Variants in INTS6L observed in about 807,000 individuals in gnomAD.
The protein encoded by INTS6L is integrator complex subunit 6 like, also known as integrator complex subunit 6-like.
INTS6L carries 18 observed loss-of-function variants against 64.7 expected under a neutral mutation model. The observed-to-expected ratio is 0.28, with a 90% CI of 0.19 to 0.41. The LOEUF (loss-of-function observed/expected upper bound fraction) is 0.41. INTS6L is among the 10% of genes least tolerant of loss of function. INTS6L has a pLI of 1.00. For synonymous variants in INTS6L, 227 were observed against 235.9 expected, an observed-to-expected ratio of 0.96 and a Z score of 0.34; for missense variants, 533 against 661.0, an observed-to-expected ratio of 0.81 and a Z score of 2.12.
At chrX:135,554,211 C>G (rs1293046675) in intron 8 of INTS6L, among the ~76,000 whole-genome samples, 1 of 111,551 alleles carries the variant, frequency 9.0e-6, no homozygotes, top group African/African-American at 3.3e-5. Flanking sequence ...CTCAAGGGGC[C>G]AAGGAAGGTA....
At chrX:135,570,209 TG>T in intron 10 of INTS6L, 1 of 276,401 alleles carries the variant, frequency 3.6e-6, no homozygotes. Flanking sequence ...TGTTTGAATT[TG>T]CTGTTACTTG....
rs534262327 is a variant in INTS6L at position 135,578,165 on chromosome X, G to A, written c.2119+738G>A. On this transcript the variant is annotated intron_variant, in intron 15 of 17. Transcript: ENST00000639893. ...TGGTACCTCTCCTGTCCTTCACTGC[G>A]TTCTCTTCCTAGGTGACCCCATGCA... 2.0e-3 allele frequency among the ~76,000 whole-genome samples: 227 copies of A among 111,486 alleles called. 2 individuals carry two copies. In the South Asian group the frequency reaches 0.075, roughly 37 times the overall value.
chrX:135,556,370 G>A (rs1041608781), intron 9 of INTS6L, 70 bp downstream of exon 9: 4 of 932,808 alleles, frequency 4.3e-6, no homozygotes, highest in Non-Finnish European at 5.6e-6. Context: ...AATAGACTAA[G>A]CATTTTAAAT....
chrX:135,556,389 C>A, intron 9 of INTS6L, 89 bp downstream of exon 9: 1 of 825,619 alleles, frequency 1.2e-6, no homozygotes, highest in Non-Finnish European at 1.6e-6. Context: ...ATGTAGATGA[C>A]GGTAACAAAT....
chrX:135,554,274 A>G (rs1351660329), intron 8 of INTS6L, among the ~76,000 whole-genome samples: 1 of 112,317 alleles, frequency 8.9e-6, no homozygotes, highest in Non-Finnish European at 1.9e-5. Flanking sequence ...TTTCATGGGA[A>G]TCATAGATCT....
At chrX:135,551,269 C>T (rs1602920253) in intron 7 of INTS6L, among the ~76,000 whole-genome samples, 1 of 111,952 alleles carries the variant, frequency 8.9e-6, no homozygotes, top group African/African-American at 3.3e-5. Context: ...CCTTGCTGTT[C>T]GCCTTTCTCT....
intron 2 of INTS6L, among the ~76,000 whole-genome samples, chrX:135,533,714 C>CT (rs2085970251): frequency 8.9e-6 from 1 of 111,988 alleles, no homozygotes; most frequent in Admixed American, 9.5e-5. Flanking sequence ...ATGTTCAACA[C>CT]TTTCTGCAAT....
intron 2 of INTS6L, among the ~76,000 whole-genome samples, chrX:135,526,572 G>A (rs2085743602): frequency 8.9e-6 from 1 of 111,835 alleles, no homozygotes; most frequent in Non-Finnish European, 1.9e-5. Context: ...CATTTTGTCC[G>A]TCGGCTTTTT....
intron 9 of INTS6L, among the ~76,000 whole-genome samples, chrX:135,567,603 T>C (rs1486458437): frequency 1.8e-5 from 2 of 112,253 alleles, no homozygotes; most frequent in East Asian, 5.6e-4. Context: ...TTCACTTGAT[T>C]ATCTAATCTA....
intron 7 of INTS6L, among the ~76,000 whole-genome samples, chrX:135,551,257 G>T (rs935039189): frequency 2.7e-5 from 3 of 111,590 alleles, no homozygotes; most frequent in Admixed American, 1.9e-4. Context: ...TCTCCATATT[G>T]CCCTTGCTGT....
intron 11 of INTS6L, chrX:135,571,760 C>T (rs1556527614): frequency 1.8e-5 from 2 of 111,474 alleles, no homozygotes. Context: ...GCCTTTAAGG[C>T]TGTGTCACCA....
rs138871583 is a variant in INTS6L, at chrX:135,521,071, A to G, written c.79A>G (p.Ile27Val). Residue 27 changes from isoleucine to valine, a missense_variant, in exon 1 of 18, where the codon ATT becomes GTT. Physicochemically the swap from Ile to Val is conservative, Grantham distance 29. Coordinates refer to ENST00000639893, the MANE Select transcript of INTS6L (RefSeq NM_001351601.3). Reference protein sequence around the residue: ...RTDLGTSYLDIAKGAVELFLK... With the variant: ...RTDLGTSYLDVAKGAVELFLK... ...TGACCTGGGCACCTCTTATTTGGAC[A>G]TTGCCAAAGGCGCTGTGGAGTTATT... 346 of 1,209,237 alleles carry G rather than the reference A, an allele frequency of 2.9e-4. 1 individual carries two copies. In the African/African-American group the frequency reaches 5.4e-3, roughly 19 times the overall value.
At chrX:135,573,850 C>A in intron 12 of INTS6L, 89 bp from the exon 13 acceptor site, 1 of 1,022,681 alleles carries the variant, frequency 9.8e-7, no homozygotes, top group East Asian at 3.2e-5. Flanking sequence ...ATATAACACT[C>A]TTCAATAACA....
intron 2 of INTS6L, among the ~76,000 whole-genome samples, chrX:135,531,892 C>A (rs1016616424): frequency 9.0e-6 from 1 of 111,551 alleles, no homozygotes; most frequent in Non-Finnish European, 1.9e-5. Flanking sequence ...AGATACAGAG[C>A]CAGGAGAGCT....
chrX:135,549,335 T>C (rs1487632292), intron 6 of INTS6L, among the ~76,000 whole-genome samples: 1 of 112,506 alleles, frequency 8.9e-6, no homozygotes, highest in Non-Finnish European at 1.9e-5. Flanking sequence ...TTTTAATTTA[T>C]GTGTACGAGT....
chrX:135,573,127 C>T (rs1569513932), intron 12 of INTS6L, 94 bp downstream of exon 12: 4 of 797,570 alleles, frequency 5.0e-6, no homozygotes, highest in Middle Eastern at 4.5e-4. Context: ...ATGGACAATC[C>T]TATTTTGGAG....
chrX:135,543,533 A>G lies in INTS6L; in HGVS notation c.190-1890A>G, dbSNP rs142974274. Among the ~76,000 whole-genome samples, 199 of 111,717 alleles carry G rather than the reference A, an allele frequency of 1.8e-3. 1 individual carries two copies. Among genetic ancestry groups the G allele is most frequent in the African/African-American group, 6.3e-3 (193 of 30,687 alleles). ...CTGGTCACTTGTTCTTTCAGTCTCC[A>G]TAAGTGCATCTCTTATTCCTTTGTG... On this transcript the variant is annotated intron_variant, in intron 2 of 17. Coordinates refer to ENST00000639893, the MANE Select transcript of INTS6L (RefSeq NM_001351601.3).
intron 15 of INTS6L, among the ~76,000 whole-genome samples, chrX:135,578,874 A>G (rs1391079222): frequency 3.6e-5 from 4 of 111,358 alleles, no homozygotes; most frequent in African/African-American, 1.3e-4. Flanking sequence ...GTCTGCATGT[A>G]TATCACATCA....
At chrX:135,561,615 T>A (rs1403350704) in intron 9 of INTS6L, among the ~76,000 whole-genome samples, 17 of 112,728 alleles carry the variant, frequency 1.5e-4, no homozygotes, top group African/African-American at 5.5e-4. Flanking sequence ...TTAATTATTC[T>A]GTAAACATTT....
Sources: gnomAD v4.1 joint callset for allele counts (sites outside exome capture counted in the v4.1 genomes callset) on GRCh38, gnomAD v4.1.1 for gene constraint, MANE v1.5 for transcripts, NCBI Gene and HGNC (gene_info 2026-07-23, HGNC 2026-07-21) for gene names.